Variants in TMEM178B observed in about 807,000 individuals in gnomAD.
The protein encoded by TMEM178B is transmembrane protein 178B.
TMEM178B carries 5 observed loss-of-function variants against 31.0 expected under a neutral mutation model. The ratio of observed to expected loss-of-function variants is 0.16; its 90% CI spans 0.08 to 0.34. The LOEUF (loss-of-function observed/expected upper bound fraction) is 0.34, where lower values mean the gene tolerates loss of function less well. Ranked by LOEUF, TMEM178B falls within the 10% of genes least tolerant of loss-of-function variation. The pLI, the probability that TMEM178B is intolerant of heterozygous loss-of-function variation, is 1.00. For missense variants in TMEM178B, 275 were observed against 400.3 expected (o/e 0.69, Z 2.67); for synonymous variants, 164 against 164.0 (o/e 1.00, Z 0.00).
intron 2 of TMEM178B, among the ~76,000 whole-genome samples, chr7:141,432,337 T>C (rs1801450815): frequency 6.6e-6 from 1 of 152,044 alleles, no homozygotes; most frequent in South Asian, 2.1e-4. Flanking sequence ...GTATTTTTAA[T>C]AGAGACAGGG....
intron 1 of TMEM178B, among the ~76,000 whole-genome samples, chr7:141,120,979 AATT>A (rs1266722882): frequency 6.6e-6 from 1 of 150,992 alleles, no homozygotes; most frequent in Non-Finnish European, 1.5e-5. Flanking sequence ...TAATAATAAT[AATT>A]ATTATTATAA....
intron 2 of TMEM178B, among the ~76,000 whole-genome samples, chr7:141,350,280 A>G (rs1293087317): frequency 1.3e-5 from 2 of 151,954 alleles, no homozygotes; most frequent in Non-Finnish European, 2.9e-5. Flanking sequence ...CCATCGAGAA[A>G]AGCCCTCTCC....
At chr7:141,259,917 G>A (rs1422622756) in intron 2 of TMEM178B, among the ~76,000 whole-genome samples, 2 of 152,040 alleles carry the variant, frequency 1.3e-5, no homozygotes, top group Non-Finnish European at 2.9e-5. Context: ...CTCTGTCTGT[G>A]CACAATGCCT....
In TMEM178B at chr7:141,478,065, G is replaced by A. The variant is rs753816762; in HGVS notation, c.*7279G>A. Reference sequence around the variant, plus strand: ...ACTCACCATATAAATGTGGCTTGCAGTGTCAGAAGCAGGGAGTCTGGCCAA... The same window carrying A: ...ACTCACCATATAAATGTGGCTTGCAATGTCAGAAGCAGGGAGTCTGGCCAA... On this transcript the variant is annotated 3_prime_UTR_variant, in exon 4 of 4. Transcript: ENST00000565468. 2 of 152,734 alleles carry A rather than the reference G, an allele frequency of 1.3e-5. No individual in the cohort carries two copies. Among genetic ancestry groups the A allele is most frequent in the African/African-American group, 2.4e-5 (1 of 41,464 alleles). The allele number at this position is 152,734 out of a possible 1,614,324, so 9.5% of individuals were successfully genotyped here.
chr7:141,075,752 C>T (rs1038957569), intron 1 of TMEM178B, among the ~76,000 whole-genome samples: 1 of 152,128 alleles, frequency 6.6e-6, no homozygotes, highest in Non-Finnish European at 1.5e-5. Flanking sequence ...GTCAAGGTGA[C>T]AAAGATACTA....
chr7:141,148,760 A>T (rs1795901706), intron 1 of TMEM178B, among the ~76,000 whole-genome samples: 1 of 152,230 alleles, frequency 6.6e-6, no homozygotes, highest in African/African-American at 2.4e-5. Context: ...GCAATCAATC[A>T]GTCACATGGT....
rs548214998 is a variant in TMEM178B, at chr7:141,473,803, CG to C, written c.*3019del. On this transcript the variant is annotated 3_prime_UTR_variant, in exon 4 of 4. Coordinates refer to ENST00000565468, the MANE Select transcript of TMEM178B (RefSeq NM_001195278.2). ...GACCAGGATAGAGGCCCCTTTCAGA[CG>C]GCAAGTCCTGGCCAATGGGAGGACT... The C allele has an allele frequency of 6.6e-6, 1 of 152,344 alleles. No individual in the cohort carries two copies. Among genetic ancestry groups the C allele is most frequent in the South Asian group, 2.1e-4 (1 of 4,824 alleles). 9.4% of individuals were successfully genotyped at this position (152,344 alleles called of 1,614,324 possible).
chr7:141,138,507 G>C (rs1419656527), intron 1 of TMEM178B, among the ~76,000 whole-genome samples: 1 of 152,108 alleles, frequency 6.6e-6, no homozygotes, highest in Non-Finnish European at 1.5e-5. Flanking sequence ...CCAGGGCCTT[G>C]CCTTCTGAGG....
chr7:141,433,868 G>A (rs759447333), intron 2 of TMEM178B, among the ~76,000 whole-genome samples: 6 of 152,136 alleles, frequency 3.9e-5, no homozygotes, highest in Non-Finnish European at 7.3e-5. Flanking sequence ...TCAGGGTGAT[G>A]TGAAAATCTT....
chr7:141,397,416 G>C (rs1283922499), intron 2 of TMEM178B, among the ~76,000 whole-genome samples: 2 of 152,168 alleles, frequency 1.3e-5, no homozygotes, highest in Non-Finnish European at 2.9e-5. Flanking sequence ...GACCTCTCCA[G>C]CAAGCCCTGA....
chr7:141,320,762 G>A (rs1432555078), intron 2 of TMEM178B, among the ~76,000 whole-genome samples: 1 of 152,140 alleles, frequency 6.6e-6, no homozygotes, highest in Non-Finnish European at 1.5e-5. Context: ...TCTGTAAAAT[G>A]TCCCCATTTT....
At chr7:141,261,978 G>A (rs1344990274) in intron 2 of TMEM178B, among the ~76,000 whole-genome samples, 1 of 152,138 alleles carries the variant, frequency 6.6e-6, no homozygotes, top group East Asian at 1.9e-4. Flanking sequence ...GGCCAGAAAA[G>A]AGCCCTAGAG....
intron 2 of TMEM178B, among the ~76,000 whole-genome samples, chr7:141,421,076 C>T (rs920074320): frequency 1.1e-4 from 17 of 152,166 alleles, no homozygotes; most frequent in African/African-American, 4.1e-4. Flanking sequence ...TAGTATCCTT[C>T]AGTCCTCACT....
Position 141,288,193 on chromosome 7 carries a change from C to G in TMEM178B, c.496+75489C>G, listed in dbSNP as rs574386475. On this transcript the variant is annotated intron_variant, in intron 2 of 3. Coordinates refer to ENST00000565468, the MANE Select transcript of TMEM178B (RefSeq NM_001195278.2). The stretch of plus-strand genomic sequence containing the variant: ...GTGTGGCCCTCTTTAGATGCCTCTA[C>G]TCTTTTTTTTTTTCCCCCTCTGGGA... 3.3e-3 allele frequency among the ~76,000 whole-genome samples: 383 copies of G among 116,140 alleles called. 2 individuals are homozygous for G. The highest frequency in any genetic ancestry group is 0.011 in the African/African-American group (368 of 32,906). 76.2% of individuals were successfully genotyped at this position (116,140 alleles called of 152,430 possible). A position where few individuals can be genotyped will look rare whatever the true frequency, so the allele number is the denominator to read the frequency against.
the TMEM178B span, among the ~76,000 whole-genome samples, chr7:141,499,990 T>TC: frequency 6.6e-6 from 1 of 152,192 alleles, no homozygotes; most frequent in East Asian, 1.9e-4. Context: ...GCATTTTTTT[T>TC]CTCCCTGTAT....
chr7:141,412,537 T>A (rs1328980421), intron 2 of TMEM178B, among the ~76,000 whole-genome samples: 1 of 152,154 alleles, frequency 6.6e-6, no homozygotes, highest in African/African-American at 2.4e-5. Context: ...CAATTCATGA[T>A]GTATATTGAC....
intron 1 of TMEM178B, among the ~76,000 whole-genome samples, chr7:141,174,866 T>A (rs1796402566): frequency 6.6e-6 from 1 of 152,202 alleles, no homozygotes; most frequent in Non-Finnish European, 1.5e-5. Flanking sequence ...TATTAGCCGT[T>A]TGTCAGATGG....
chr7:141,160,687 C>T (rs1199509428), intron 1 of TMEM178B, among the ~76,000 whole-genome samples: 3 of 152,134 alleles, frequency 2.0e-5, no homozygotes, highest in Non-Finnish European at 4.4e-5. Context: ...ATATGTTCTG[C>T]ACCGTTTTCC....
chr7:141,393,623 A>G (rs547359107), intron 2 of TMEM178B, among the ~76,000 whole-genome samples: 6 of 152,312 alleles, frequency 3.9e-5, no homozygotes, highest in African/African-American at 1.4e-4. Context: ...AGCTGCTCCA[A>G]AGAGAAAGAG....
Sources: allele counts gnomAD v4.1 joint callset (sites outside exome capture counted in the v4.1 genomes callset), GRCh38; gene constraint gnomAD v4.1.1; transcripts MANE v1.5; gene names NCBI Gene and HGNC (gene_info 2026-07-23, HGNC 2026-07-21).